PLD1: variants seen among roughly 807,000 people sequenced by gnomAD.
PLD1 encodes phospholipase D1.
In PLD1, 112 loss-of-function variants were observed where a neutral mutation model predicts 137.1. The observed-to-expected ratio is 0.82, with a 90% CI of 0.70 to 0.96. The LOEUF (loss-of-function observed/expected upper bound fraction) is 0.96. Among genes scored for constraint, PLD1 ranks in the 40% least tolerant of loss-of-function variants. The pLI, the probability that PLD1 is intolerant of heterozygous loss-of-function variation, is 0.00. For synonymous variants in PLD1, 431 were observed against 454.7 expected (o/e 0.95, Z 0.66); for missense variants, 1,321 against 1,342.0 (o/e 0.98, Z 0.24).
At position 171,746,084 on chromosome 3, in the gene PLD1, C is replaced by T. The variant is rs569097314; in HGVS notation, c.-31-8002G>A. Among the ~76,000 whole-genome samples the T allele has an allele frequency of 1.4e-3, 215 of 152,320 alleles. 4 individuals are homozygous for T. The highest frequency in any genetic ancestry group is 4.9e-3 in the African/African-American group (202 of 41,574). ...CCAGCACTGCCGGCCCGCCCCACTG[C>T]GCTTGAATTCTCACTGGGCCTCAGC... is the stretch of plus-strand genomic sequence containing the variant. On this transcript the variant is annotated intron_variant, in intron 1 of 26. Transcript: ENST00000351298.
intron 1 of PLD1, among the ~76,000 whole-genome samples, chr3:171,767,471 T>C (rs1722058789): frequency 6.6e-6 from 1 of 152,222 alleles, no homozygotes; most frequent in Admixed American, 6.5e-5. Flanking sequence ...AGTATCTACA[T>C]GGTTGTTTCT....
intron 19 of PLD1, among the ~76,000 whole-genome samples, chr3:171,668,772 T>A (rs890417014): frequency 2.6e-5 from 4 of 152,216 alleles, no homozygotes; most frequent in Non-Finnish European, 5.9e-5. Flanking sequence ...GTTGACCCCA[T>A]GTTGATGCTG....
At chr3:171,675,149 G>T (rs1198592364) in intron 18 of PLD1, among the ~76,000 whole-genome samples, 2 of 151,940 alleles carry the variant, frequency 1.3e-5, no homozygotes, top group Non-Finnish European at 2.9e-5. Flanking sequence ...GGGAAATATT[G>T]TTTTATATTT....
intron 1 of PLD1, among the ~76,000 whole-genome samples, chr3:171,739,879 T>C (rs978469382): frequency 7.2e-5 from 11 of 152,218 alleles, no homozygotes; most frequent in Admixed American, 2.6e-4. Flanking sequence ...TTGCTCTCTA[T>C]TCTTTGTAGA....
intron 25 of PLD1, among the ~76,000 whole-genome samples, chr3:171,609,700 A>T (rs1204966619): frequency 6.6e-6 from 1 of 152,254 alleles, no homozygotes; most frequent in East Asian, 1.9e-4. Flanking sequence ...AAAACAGTAC[A>T]TACACATGGA....
intron 1 of PLD1, among the ~76,000 whole-genome samples, chr3:171,798,938 C>T (rs144657681): frequency 6.6e-6 from 1 of 152,294 alleles, no homozygotes; most frequent in African/African-American, 2.4e-5. Flanking sequence ...GGTAGCCTAC[C>T]GCACACTAAG....
chr3:171,603,986 A>C (rs892478174), intron 26 of PLD1, among the ~76,000 whole-genome samples: 5 of 152,122 alleles, frequency 3.3e-5, no homozygotes, highest in African/African-American at 1.2e-4. Flanking sequence ...CATTTTAATG[A>C]CTCTATGCAC....
chr3:171,725,015 G>A (rs1380997035), intron 7 of PLD1, among the ~76,000 whole-genome samples: 1 of 152,144 alleles, frequency 6.6e-6, no homozygotes, highest in African/African-American at 2.4e-5. Flanking sequence ...ATTCGGGGCA[G>A]TGTGATTCTG....
chr3:171,626,206 C>A (rs1009175531), intron 23 of PLD1, among the ~76,000 whole-genome samples: 7 of 152,088 alleles, frequency 4.6e-5, no homozygotes, highest in Admixed American at 3.3e-4. Context: ...ATGAAGAACG[C>A]AGAAGCCTCA....
At chr3:171,618,781 C>T (rs2108288753) in intron 24 of PLD1, among the ~76,000 whole-genome samples, 1 of 146,780 alleles carries the variant, frequency 6.8e-6, no homozygotes, top group East Asian at 2.0e-4. Flanking sequence ...GTGGTTTACA[C>T]AGTTTCTGGC....
chr3:171,762,812 G>T (rs372964246), intron 1 of PLD1, among the ~76,000 whole-genome samples: 9 of 152,298 alleles, frequency 5.9e-5, no homozygotes, highest in Admixed American at 4.6e-4. Flanking sequence ...GGTTCTCCAT[G>T]TAGAAGATAT....
Position 171,603,269 on chromosome 3 carries a change from T to C in PLD1, c.3034A>G (p.Asn1012Asp). The change falls in exon 27 of 27, where the codon AAT becomes GAT. Residue 1012 changes from asparagine to aspartate, a missense_variant. Coordinates refer to ENST00000351298, the MANE Select transcript of PLD1 (RefSeq NM_002662.5). ...ATAAAGTCTCTCAGCTGAATTAAAT[T>C]GTGTACTTCATCATTGGGAAGGCAC... ...FRCLPNDEVH[N>D]LIQLRDFINK... The C allele has an allele frequency of 6.2e-7, 1 of 1,614,018 alleles. No individual in the cohort carries two copies. Among genetic ancestry groups the C allele is most frequent in the Non-Finnish European group, 8.5e-7 (1 of 1,179,944 alleles).
chr3:171,726,386 T>C (rs1718509650), intron 6 of PLD1, among the ~76,000 whole-genome samples: 1 of 152,208 alleles, frequency 6.6e-6, no homozygotes, highest in Non-Finnish European at 1.5e-5. Context: ...ATGTTTGTTT[T>C]TGTTGCACGG....
At position 171,780,541 on chromosome 3, in the gene PLD1, CAAA is replaced by C. The variant is rs71178237; in HGVS notation, c.-32+29855_-32+29857del. On this transcript the variant is annotated intron_variant, in intron 1 of 26. Transcript: ENST00000351298. ...AAGAGATGGGTCCAGTAAAGGGGGCCAAAAAAAAAAATGCCAGTGGGGTAGTAG... is the reference window on the plus strand; with the variant it reads ...AAGAGATGGGTCCAGTAAAGGGGGCCAAAAAAAATGCCAGTGGGGTAGTAG... Among the ~76,000 whole-genome samples the C allele has an allele frequency of 3.7e-4, 56 of 150,356 alleles. 1 individual carries two copies. The highest frequency in any genetic ancestry group is 1.2e-3 in the African/African-American group (49 of 40,432).
At chr3:171,615,107 GCTCC>G (rs1413775142) in intron 24 of PLD1, among the ~76,000 whole-genome samples, 3 of 152,172 alleles carry the variant, frequency 2.0e-5, no homozygotes, top group Non-Finnish European at 2.9e-5. Context: ...GGATGTAAAT[GCTCC>G]CTCCATTTGT....
intron 1 of PLD1, chr3:171,771,402 C>T (rs1226644389): frequency 6.6e-6 from 1 of 152,284 alleles, no homozygotes; most frequent in Non-Finnish European, 1.5e-5. Flanking sequence ...GCCCACAAAG[C>T]ACTTTAGCCT....
At chr3:171,788,340 T>C (rs1723092320) in intron 1 of PLD1, among the ~76,000 whole-genome samples, 1 of 148,186 alleles carries the variant, frequency 6.7e-6, no homozygotes, top group African/African-American at 2.5e-5. Context: ...AGAAACAGGC[T>C]TATCAGTTTA....
intron 8 of PLD1, among the ~76,000 whole-genome samples, chr3:171,722,573 C>T (rs6794795): frequency 0.36 from 54,706 of 151,788 alleles, 10,920 homozygotes; most frequent in African/African-American, 0.52. Flanking sequence ...AATGATAAAA[C>T]ATGTGCCTTT....
chr3:171,639,054 A>G (rs77167340), intron 23 of PLD1, among the ~76,000 whole-genome samples: 1 of 151,810 alleles, frequency 6.6e-6, no homozygotes, highest in Non-Finnish European at 1.5e-5. Flanking sequence ...TTACATAGCC[A>G]GCTTTCCTGG....
Sources: gnomAD v4.1 joint callset for allele counts (sites outside exome capture counted in the v4.1 genomes callset) on GRCh38, gnomAD v4.1.1 for gene constraint, MANE v1.5 for transcripts, NCBI Gene and HGNC (gene_info 2026-07-23, HGNC 2026-07-21) for gene names.